Variants in ADGRB3 observed in about 807,000 individuals in gnomAD.
ADGRB3 encodes the protein adhesion G protein-coupled receptor B3.
A neutral mutation model predicts 193.4 loss-of-function variants in ADGRB3; 37 were observed. That is an observed-to-expected ratio of 0.19 (90% CI 0.15 to 0.25). The LOEUF (loss-of-function observed/expected upper bound fraction) is 0.25. ADGRB3 is among the 10% of genes least tolerant of loss of function. ADGRB3 has a pLI of 1.00. For missense variants in ADGRB3, 1,637 were observed against 1,852.9 expected (o/e 0.88, Z 2.14); for synonymous variants, 690 against 644.2 (o/e 1.07, Z -1.08).
chr6:69,310,770 T>A (rs1432443456), intron 20 of ADGRB3, among the ~76,000 whole-genome samples: 2 of 151,686 alleles, frequency 1.3e-5, no homozygotes, highest in Non-Finnish European at 3.0e-5. Flanking sequence ...TGACCCTGAA[T>A]TTCTCAATGA....
intron 4 of ADGRB3, 40 bp downstream of exon 4, chr6:68,930,709 T>C (rs770524183): frequency 1.4e-6 from 2 of 1,403,738 alleles, no homozygotes; most frequent in Non-Finnish European, 2.0e-6. Context: ...TTGTTGTTAA[T>C]TTAATGAAAC....
chr6:69,302,298 A>C (rs1361154240), intron 20 of ADGRB3, among the ~76,000 whole-genome samples: 1 of 151,976 alleles, frequency 6.6e-6, no homozygotes, highest in African/African-American at 2.4e-5. Context: ...TAAAGCTGCT[A>C]ATTTCCTAAC....
At chr6:68,683,740 C>T (rs964306734) in intron 3 of ADGRB3, among the ~76,000 whole-genome samples, 3 of 152,092 alleles carry the variant, frequency 2.0e-5, no homozygotes, top group Non-Finnish European at 4.4e-5. Flanking sequence ...AGAGAAGTGA[C>T]GTCTGATTTA....
intron 17 of ADGRB3, among the ~76,000 whole-genome samples, chr6:69,200,278 GA>G (rs1397627962): frequency 6.6e-6 from 1 of 151,842 alleles, no homozygotes; most frequent in Non-Finnish European, 1.5e-5. Flanking sequence ...TTTTGGTAGG[GA>G]TAACTTGAAA....
intron 5 of ADGRB3, among the ~76,000 whole-genome samples, chr6:68,940,590 T>C (rs918907083): frequency 4.2e-5 from 6 of 142,498 alleles, no homozygotes; most frequent in Non-Finnish European, 6.1e-5. Context: ...AGTTCTTATA[T>C]TCATTTATTT....
At chr6:69,059,722 T>TA (rs1441275864) in intron 15 of ADGRB3, among the ~76,000 whole-genome samples, 7 of 152,162 alleles carry the variant, frequency 4.6e-5, no homozygotes, top group Non-Finnish European at 1.0e-4. Context: ...ATTGATGGAA[T>TA]AAATTAAAGA....
At chr6:69,362,829 A>G (rs1197531089) in intron 29 of ADGRB3, among the ~76,000 whole-genome samples, 1 of 152,042 alleles carries the variant, frequency 6.6e-6, no homozygotes, top group Non-Finnish European at 1.5e-5. Context: ...AGAGACTTCC[A>G]GGTTTGTAAT....
chr6:69,333,916 C>G (rs112698789), intron 24 of ADGRB3, among the ~76,000 whole-genome samples: 15 of 143,132 alleles, frequency 1.0e-4, no homozygotes, highest in South Asian at 6.5e-4. Flanking sequence ...GGCGACAGAG[C>G]GAGACTCTGT....
intron 17 of ADGRB3, among the ~76,000 whole-genome samples, chr6:69,184,431 A>C (rs1234124698): frequency 1.3e-5 from 2 of 152,130 alleles, no homozygotes; most frequent in Non-Finnish European, 2.9e-5. Context: ...ATAAGAAACA[A>C]AAAATAACTT....
At chr6:68,766,977 A>G (rs909651473) in intron 3 of ADGRB3, among the ~76,000 whole-genome samples, 4 of 152,032 alleles carry the variant, frequency 2.6e-5, no homozygotes, top group Non-Finnish European at 4.4e-5. Context: ...TTGGAATTGC[A>G]TATACATTTT....
intron 3 of ADGRB3, among the ~76,000 whole-genome samples, chr6:68,786,290 T>C (rs1766967946): frequency 6.6e-6 from 1 of 152,190 alleles, no homozygotes; most frequent in Non-Finnish European, 1.5e-5. Flanking sequence ...GTTTGAGGTC[T>C]AACATTTAAG....
At chr6:69,263,644 G>C (rs1013239920) in intron 20 of ADGRB3, among the ~76,000 whole-genome samples, 7 of 152,026 alleles carry the variant, frequency 4.6e-5, no homozygotes, top group Non-Finnish European at 1.0e-4. Context: ...TTCCAAGTCT[G>C]TCTTAAATGT....
At chr6:69,038,299 G>A (rs764837) in intron 13 of ADGRB3, among the ~76,000 whole-genome samples, 16,024 of 151,110 alleles carry the variant, frequency 0.11, 1,044 homozygotes, top group Middle Eastern at 0.18. Flanking sequence ...GAACAACCTT[G>A]AGTATCAAAT....
intron 3 of ADGRB3, among the ~76,000 whole-genome samples, chr6:68,783,171 T>G (rs955256978): frequency 6.6e-6 from 1 of 151,428 alleles, no homozygotes; most frequent in South Asian, 2.1e-4. Flanking sequence ...GATGATAAAA[T>G]TGAGACTTTT....
At chr6:68,826,964 C>T (rs1246285155) in intron 3 of ADGRB3, among the ~76,000 whole-genome samples, 1 of 152,072 alleles carries the variant, frequency 6.6e-6, no homozygotes, top group African/African-American at 2.4e-5. Context: ...GTGTAGGTTT[C>T]AAACAGAAAG....
rs551938909 is a variant in ADGRB3, at chr6:68,876,976, G to A, written c.758-53583G>A. On this transcript the variant is annotated intron_variant, in intron 3 of 31. Coordinates refer to ENST00000370598, the MANE Select transcript of ADGRB3 (RefSeq NM_001704.3). ...AAGTGGCTATATGTTAATTTTAAAT[G>A]TTTAATCAGCAAATAAATACTTCAA... 3.3e-5 allele frequency among the ~76,000 whole-genome samples: 5 copies of A among 151,946 alleles called. No individual in the cohort carries two copies. In the East Asian group the frequency reaches 7.7e-4, roughly 23 times the overall value.
At chr6:69,256,177 G>A (rs1485630088) in intron 20 of ADGRB3, among the ~76,000 whole-genome samples, 1 of 151,282 alleles carries the variant, frequency 6.6e-6, no homozygotes, top group African/African-American at 2.4e-5. Flanking sequence ...GATTGACTTG[G>A]CGATGCGGGC....
In ADGRB3 at chr6:69,379,109, C is replaced by T. The variant is rs371121507; in HGVS notation, c.4276-3722C>T. On this transcript the variant is annotated intron_variant, in intron 30 of 31. Coordinates refer to ENST00000370598, the MANE Select transcript of ADGRB3 (RefSeq NM_001704.3). ...TGATAGTAATATGAATGCAAGGAAACATTATCATGCTCTTATCTTTATTGC... is the reference window on the plus strand; with the variant it reads ...TGATAGTAATATGAATGCAAGGAAATATTATCATGCTCTTATCTTTATTGC... 7.2e-5 allele frequency among the ~76,000 whole-genome samples: 11 copies of T among 151,944 alleles called. 2 individuals are homozygous for T. In the East Asian group the frequency reaches 1.5e-3, roughly 21 times the overall value.
At chr6:69,299,903 T>A (rs1022687020) in intron 20 of ADGRB3, among the ~76,000 whole-genome samples, 2 of 151,880 alleles carry the variant, frequency 1.3e-5, no homozygotes, top group African/African-American at 4.8e-5. Flanking sequence ...GGATTTCTTT[T>A]TCTATTTATA....
Sources: gnomAD v4.1 joint callset for allele counts (sites outside exome capture counted in the v4.1 genomes callset) on GRCh38, gnomAD v4.1.1 for gene constraint, MANE v1.5 for transcripts, NCBI Gene and HGNC (gene_info 2026-07-23, HGNC 2026-07-21) for gene names.